The following SSC5D variants were observed in gnomAD, a reference collection of about 807,000 sequenced individuals.
SSC5D encodes scavenger receptor cysteine rich family member with 5 domains.
In SSC5D, 106 loss-of-function variants were observed where a neutral mutation model predicts 104.6. The ratio of observed to expected loss-of-function variants is 1.01; its 90% CI spans 0.87 to 1.19. The LOEUF (loss-of-function observed/expected upper bound fraction) is 1.19, where lower values mean the gene tolerates loss of function less well. Ranked by LOEUF, SSC5D falls within the 50% of genes most tolerant of loss-of-function variation. The probability of loss-of-function intolerance (pLI) is 0.00; values close to 1 mark genes in which losing one functional copy is unlikely to be tolerated. For missense variants in SSC5D, 1,993 were observed against 2,153.8 expected, an observed-to-expected ratio of 0.93 and a Z score of 1.48; for synonymous variants, 860 against 883.5, an observed-to-expected ratio of 0.97 and a Z score of 0.47.
chr19:55,494,865 G>A (rs538505072), intron 8 of SSC5D, 82 bp downstream of exon 8: 1 of 1,415,176 alleles, frequency 7.1e-7, no homozygotes, highest in Non-Finnish European at 9.3e-7. Flanking sequence ...CTCATGGGGG[G>A]CCTCTTGCAA....
At chr19:55,491,570 G>A (rs73932660) in intron 6 of SSC5D, 3,492 of 160,604 alleles carry the variant, frequency 0.022, 137 homozygotes, top group African/African-American at 0.079. Context: ...GGGGCATGGA[G>A]GGAGACTGAG....
rs1335816271 is a variant in SSC5D, at chr19:55,490,994, G to C, written c.809G>C (p.Gly270Ala). The C allele has an allele frequency of 1.3e-6, 2 of 1,549,358 alleles. No individual in the cohort carries two copies. Among genetic ancestry groups the C allele is most frequent in the Non-Finnish European group, 1.7e-6 (2 of 1,146,452 alleles). ...ATGGACGATGTGGGGTGTGGAGGAGGAGAACAGGCCCTCCGAGACTGCCCC... is the reference window on the plus strand; with the variant it reads ...ATGGACGATGTGGGGTGTGGAGGAGCAGAACAGGCCCTCCGAGACTGCCCC... ...VWMDDVGCGG[G>A]EQALRDCPRS... Residue 270 changes from glycine (G) to alanine (A), a missense_variant, in exon 6 of 14, where the codon GGA (glycine) becomes GCA (alanine). Gly to Ala is a moderately conservative substitution (Grantham distance 60). Around this residue, in one of 6 missense-constraint regions of SSC5D, gnomAD observed 1,101 missense variants for 1,085.0 expected, o/e 1.01. Transcript: ENST00000389623.
chr19:55,489,251 TACAG>T lies in SSC5D; in HGVS notation c.53-98_53-95del, dbSNP rs1987055734. Reference sequence around the variant, plus strand: ...GGGCCAGTGAGCAGGGCCACTGGCCTACAGACAGTACCTGCAGGACAGCCACCTG... The same window carrying T: ...GGGCCAGTGAGCAGGGCCACTGGCCTACAGTACCTGCAGGACAGCCACCTG... On this transcript the variant is annotated intron_variant, in intron 2 of 13. Coordinates refer to ENST00000389623, the MANE Select transcript of SSC5D (RefSeq NM_001144950.2). The T allele has an allele frequency of 1.4e-5, 19 of 1,310,550 alleles. 1 individual carries two copies. The South Asian group carries it at 3.1e-4, about 21-fold the overall frequency. The allele number at this position is 1,310,550 out of a possible 1,614,324, so 81.2% of individuals were successfully genotyped here.
intron 12 of SSC5D, among the ~76,000 whole-genome samples, chr19:55,512,199 C>CAA (rs56354207): frequency 7.7e-6 from 1 of 129,070 alleles, no homozygotes; most frequent in East Asian, 2.2e-4. Flanking sequence ...GACTTGGTCT[C>CAA]AAAAAAAAAA....
chr19:55,513,876 C>T (rs193096398), intron 13 of SSC5D, among the ~76,000 whole-genome samples: 2 of 152,130 alleles, frequency 1.3e-5, no homozygotes, highest in Non-Finnish European at 2.9e-5. Flanking sequence ...GATAGGAAAC[C>T]CTAGATGAGA....
rs527887288 is a variant in SSC5D at position 55,496,821 on chromosome 19, G to A, written c.1388-1059G>A. Among the ~76,000 whole-genome samples the A allele has an allele frequency of 6.6e-5, 10 of 150,820 alleles. No homozygotes were observed. The South Asian group carries it at 2.1e-3, about 32-fold the overall frequency. The stretch of plus-strand genomic sequence containing the variant: ...GCTGGAGTGCAGTGGCACGATCTTG[G>A]CTCACTGCAACCTCCGCCTCCCGGT... On this transcript the variant is annotated intron_variant, in intron 8 of 13. Transcript: ENST00000389623.
chr19:55,493,559 G>T, intron 6 of SSC5D, 36 bp from the exon 7 acceptor site: 2 of 1,402,286 alleles, frequency 1.4e-6, no homozygotes, highest in Non-Finnish European at 9.2e-7. Context: ...ATCCACCCTC[G>T]TTTCCTGGCC....
At position 55,497,914 on chromosome 19, in the gene SSC5D, C is replaced by T. The variant is rs1987367432; in HGVS notation, c.1422C>T (p.Ser474=). 1 of 1,547,536 alleles carries T rather than the reference C, an allele frequency of 6.5e-7. No individual in the cohort carries two copies. The highest frequency in any genetic ancestry group is 1.4e-5 in the African/African-American group (1 of 73,108). ...AGCTGCGCCTGGTGGCTGGGCCCAG[C>T]AAGTGCTCAGGTCGACTGGAGGTGT... ...SPQLRLVAGP[S]KCSGRLEVWH... The change falls in exon 9 of 14, where the codon AGC becomes AGT. Residue 474 remains serine, a synonymous_variant. Coordinates refer to ENST00000389623, the MANE Select transcript of SSC5D (RefSeq NM_001144950.2).
Position 55,493,625 on chromosome 19 carries a change from G to GC in SSC5D, c.931dup (p.His311ProfsTer20). On this transcript the variant is annotated frameshift_variant, in exon 7 of 14. Transcript: ENST00000389623. LOFTEE classifies it high-confidence loss of function. ...GCACCTCGGCTGCGCCTGGCCGATG[G>GC]CCCCCACGGGTGCGCCGGCCGCCTG... The GC allele has an allele frequency of 6.8e-7, 1 of 1,481,190 alleles. No individual in the cohort carries two copies. The allele number at this position is 1,481,190 out of a possible 1,614,324, so 91.8% of individuals were successfully genotyped here.
In SSC5D at chr19:55,501,139, C is replaced by T; in HGVS notation, c.2723C>T (p.Pro908Leu). 9 of 1,550,324 alleles carry T rather than the reference C, an allele frequency of 5.8e-6. No homozygotes were observed. Among genetic ancestry groups the T allele is most frequent in the Non-Finnish European group, 7.9e-6 (9 of 1,146,410 alleles). The change falls in exon 12 of 14, where the codon CCC (proline) becomes CTC (leucine). Residue 908 changes from proline to leucine, a missense_variant. Physicochemically the swap from Pro to Leu is moderately conservative, Grantham distance 98. This residue lies in a region of SSC5D where 423 missense variants were observed against 409.2 expected (regional missense o/e 1.03). Coordinates refer to ENST00000389623, the MANE Select transcript of SSC5D (RefSeq NM_001144950.2). ...TTAGVPGHTL[P>L]WRTTRRPGSS... ...GCGGGGGTACCTGGACACACTCTCCCCTGGAGGACCACCCGGCGCCCGGGT... is the reference window on the plus strand; with the variant it reads ...GCGGGGGTACCTGGACACACTCTCCTCTGGAGGACCACCCGGCGCCCGGGT...
chr19:55,498,628 G>A (rs1330594122), intron 9 of SSC5D, among the ~76,000 whole-genome samples: 2 of 152,240 alleles, frequency 1.3e-5, no homozygotes, highest in African/African-American at 2.4e-5. Flanking sequence ...GGCAATGCCT[G>A]TTATTAAATT....
chr19:55,501,160 C>G lies in SSC5D; in HGVS notation c.2744C>G (p.Pro915Arg), dbSNP rs749315738. Residue 915 changes from proline (P) to arginine (R), a missense_variant, in exon 12 of 14, where the codon CCG (proline) becomes CGG (arginine). Around this residue, in one of 6 missense-constraint regions of SSC5D, gnomAD observed 423 missense variants for 409.2 expected, o/e 1.03. Coordinates refer to ENST00000389623, the MANE Select transcript of SSC5D (RefSeq NM_001144950.2). Reference protein sequence around the residue: ...HTLPWRTTRRPGSSSPAIRRL... With the variant: ...HTLPWRTTRRRGSSSPAIRRL... ...CTCCCCTGGAGGACCACCCGGCGCC[C>G]GGGTAGCTCCTCCCCAGCAATAAGG... is the stretch of plus-strand genomic sequence containing the variant. 1.3e-6 allele frequency: 2 copies of G among 1,546,162 alleles called. No individual in the cohort carries two copies. The highest frequency in any genetic ancestry group is 2.0e-5 in the Admixed American group (1 of 49,746).
intron 9 of SSC5D, among the ~76,000 whole-genome samples, chr19:55,498,857 GT>G (rs1987396609): frequency 6.6e-6 from 1 of 152,240 alleles, no homozygotes. Context: ...TACACTCAGC[GT>G]TATCGTTTAT....
intron 12 of SSC5D, among the ~76,000 whole-genome samples, chr19:55,510,352 C>T (rs1241941605): frequency 2.6e-5 from 4 of 151,130 alleles, no homozygotes; most frequent in African/African-American, 9.7e-5. Context: ...GAAAATACAT[C>T]TTTTTGGTTT....
At chr19:55,494,546 G>C (rs1599915751) in intron 7 of SSC5D, 64 bp from the exon 8 acceptor site, 2 of 1,436,932 alleles carry the variant, frequency 1.4e-6, no homozygotes, top group Admixed American at 5.2e-5. Flanking sequence ...CGCAGGAGGT[G>C]GGGGTGCCGG....
intron 12 of SSC5D, among the ~76,000 whole-genome samples, chr19:55,502,642 T>A (rs10414827): frequency 0.69 from 104,835 of 151,822 alleles, 36,907 homozygotes; most frequent in Non-Finnish European, 0.74. Flanking sequence ...TCTCACTCCA[T>A]TTTTCATGGT....
At chr19:55,510,122 C>G (rs1287102674) in intron 12 of SSC5D, among the ~76,000 whole-genome samples, 4 of 151,762 alleles carry the variant, frequency 2.6e-5, no homozygotes. Context: ...CTCAGCCCCC[C>G]AGTTAACTGG....
At chr19:55,504,938 G>GT (rs1284621309) in intron 12 of SSC5D, among the ~76,000 whole-genome samples, 2 of 152,142 alleles carry the variant, frequency 1.3e-5, no homozygotes, top group African/African-American at 2.4e-5. Flanking sequence ...TTCAGATGGG[G>GT]TAAAAAGTGA....
rs1426098187 is a variant in SSC5D at position 55,489,963 on chromosome 19, G to T, written c.443G>T (p.Ser148Ile). 3.2e-6 allele frequency: 5 copies of T among 1,549,468 alleles called. No homozygotes were observed. The highest frequency in any genetic ancestry group is 3.9e-5 in the Admixed American group (2 of 50,924). Reference protein sequence around the residue: ...APWPGLLLELSPSTEEPLVTH... With the variant: ...APWPGLLLELIPSTEEPLVTH... Reference sequence around the variant, plus strand: ...TGGCCAGGGCTGTTGCTGGAGCTGAGCCCCAGCACGGAGGAGCCCCTGGTG... The same window carrying T: ...TGGCCAGGGCTGTTGCTGGAGCTGATCCCCAGCACGGAGGAGCCCCTGGTG... Residue 148 changes from serine (S) to isoleucine (I), a missense_variant, in exon 4 of 14, where the codon AGC (serine) becomes ATC (isoleucine). Around this residue, in one of 6 missense-constraint regions of SSC5D, gnomAD observed 1,101 missense variants for 1,085.0 expected, o/e 1.01. Coordinates refer to ENST00000389623, the MANE Select transcript of SSC5D (RefSeq NM_001144950.2).
Sources: allele counts gnomAD v4.1 joint callset (sites outside exome capture counted in the v4.1 genomes callset), GRCh38; gene constraint gnomAD v4.1.1; regional missense constraint gnomAD v4.1.1; transcripts MANE v1.5; gene names NCBI Gene and HGNC (gene_info 2026-07-23, HGNC 2026-07-21).